Variants in CCDC7 observed in about 807,000 individuals in gnomAD.
CCDC7 encodes coiled-coil domain containing 7, also known as coiled-coil domain-containing protein 7.
CCDC7 carries 183 observed loss-of-function variants against 196.9 expected under a neutral mutation model. The ratio of observed to expected loss-of-function variants is 0.93; its 90% confidence interval spans 0.82 to 1.05. The LOEUF is 1.05. Ranked by LOEUF, CCDC7 falls within the 50% of genes least tolerant of loss-of-function variation. The pLI is 0.00. For synonymous variants in CCDC7, 525 were observed against 484.6 expected (o/e 1.08, Z -1.10); for missense variants, 1,540 against 1,482.2 (o/e 1.04, Z -0.64).
intron 28 of CCDC7, among the ~76,000 whole-genome samples, chr10:32,745,018 T>C (rs2074474089): frequency 6.6e-6 from 1 of 152,234 alleles, no homozygotes. Context: ...TGTATCTAGA[T>C]TTATATTTTA....
intron 31 of CCDC7, among the ~76,000 whole-genome samples, chr10:32,821,213 G>T (rs2090120741): frequency 6.6e-6 from 1 of 152,216 alleles, no homozygotes; most frequent in African/African-American, 2.4e-5. Context: ...ATGAAAAAAT[G>T]CTCACCATCA....
chr10:32,736,848 T>G lies in CCDC7; in HGVS notation c.2905+7391T>G, dbSNP rs377014201. ...AATTTTACTCATTTTATATTTATTT[T>G]ATTCTCTTTTCTTGTCTTACTGCAT... On this transcript the variant is annotated intron_variant, in intron 28 of 41. Coordinates refer to ENST00000639629, the Ensembl canonical transcript of CCDC7. Among the ~76,000 whole-genome samples, 3 of 152,304 alleles carry G rather than the reference T, an allele frequency of 2.0e-5. No individual in the cohort carries two copies. In the East Asian group the frequency reaches 5.8e-4, roughly 29 times the overall value.
chr10:32,839,691 C>A (rs1265903774), intron 33 of CCDC7, among the ~76,000 whole-genome samples: 1 of 151,952 alleles, frequency 6.6e-6, no homozygotes, highest in African/African-American at 2.4e-5. Flanking sequence ...TCAACAACTG[C>A]AGAATATACA....
upstream of CCDC7, chr10:32,451,543 T>C: frequency 1.4e-6 from 2 of 1,452,144 alleles, no homozygotes; most frequent in Non-Finnish European, 1.8e-6. Flanking sequence ...AGTATGTGAA[T>C]TTAATTAGAG....
intron 11 of CCDC7, among the ~76,000 whole-genome samples, chr10:32,531,847 A>G (rs899989102): frequency 5.0e-4 from 76 of 152,118 alleles, no homozygotes; most frequent in African/African-American, 1.8e-3. Context: ...ATTGTTGTTC[A>G]TAGTAGTCTC....
intron 11 of CCDC7, among the ~76,000 whole-genome samples, chr10:32,540,005 G>T (rs2051142085): frequency 6.6e-6 from 1 of 152,094 alleles, no homozygotes; most frequent in Admixed American, 6.5e-5. Context: ...GTGGAGACTT[G>T]TGTAGTGTCT....
intron 30 of CCDC7, among the ~76,000 whole-genome samples, chr10:32,810,634 A>G (rs745975603): frequency 1.3e-5 from 2 of 152,158 alleles, no homozygotes; most frequent in African/African-American, 2.4e-5. Context: ...ACGAAGAAAC[A>G]TTGAGTTTAA....
At chr10:32,681,248 A>G (rs1324949603) in intron 21 of CCDC7, among the ~76,000 whole-genome samples, 1 of 152,092 alleles carries the variant, frequency 6.6e-6, no homozygotes, top group African/African-American at 2.4e-5. Flanking sequence ...TGGTGGGCCA[A>G]TTGACTGGAC....
Position 32,567,655 on chromosome 10 carries a change from C to CT in CCDC7, c.1198-9dup. ...TCAGAAAATGCTTAATAAACTGGTACTTTTTTAAAAACAGGAAGCTGAAAA... is the reference window on the plus strand; with the variant it reads ...TCAGAAAATGCTTAATAAACTGGTACTTTTTTTAAAAACAGGAAGCTGAAAA... On this transcript the variant is annotated splice_polypyrimidine_tract_variant and intron_variant, in intron 14 of 41. Transcript: ENST00000639629. 1 of 1,596,756 alleles carries CT rather than the reference C, an allele frequency of 6.3e-7. No individual in the cohort carries two copies.
chr10:32,767,827 A>T (rs1002813092), intron 28 of CCDC7, among the ~76,000 whole-genome samples: 1 of 152,160 alleles, frequency 6.6e-6, no homozygotes, highest in Admixed American at 6.6e-5. Flanking sequence ...TAGAGAATTT[A>T]AAATAGCTGT....
At chr10:32,828,451 A>AAGAAGAAGGAAGGAAGG (rs2091524351) in intron 32 of CCDC7, among the ~76,000 whole-genome samples, 3 of 85,606 alleles carry the variant, frequency 3.5e-5, no homozygotes, top group Non-Finnish European at 8.1e-5. Context: ...GAAGAAGAAG[A>AAGAAGAAGGAAGGAAGG]AGAAGAAGAA....
chr10:32,557,869 G>C (rs2054621875), intron 13 of CCDC7, among the ~76,000 whole-genome samples: 3 of 152,052 alleles, frequency 2.0e-5, no homozygotes, highest in Non-Finnish European at 4.4e-5. Context: ...TTCAAAATGT[G>C]TTTTATAGAC....
intron 16 of CCDC7, among the ~76,000 whole-genome samples, chr10:32,579,511 A>T (rs1244572088): frequency 1.3e-5 from 2 of 152,212 alleles, no homozygotes; most frequent in Non-Finnish European, 2.9e-5. Flanking sequence ...AACAGTATTA[A>T]TATAGAGTAC....
chr10:32,506,757 C>G (rs941273341), intron 9 of CCDC7, among the ~76,000 whole-genome samples: 1 of 152,044 alleles, frequency 6.6e-6, no homozygotes, highest in Non-Finnish European at 1.5e-5. Flanking sequence ...CGGGCCAAGG[C>G]AGGAGAATCA....
chr10:32,862,534 G>C (rs2094038275), intron 41 of CCDC7, among the ~76,000 whole-genome samples: 1 of 151,528 alleles, frequency 6.6e-6, no homozygotes, highest in Admixed American at 6.6e-5. Context: ...TTCTGCACAT[G>C]TACCCCAGAA....
chr10:32,478,028 CT>C (rs1233290148), intron 8 of CCDC7, among the ~76,000 whole-genome samples: 1 of 152,110 alleles, frequency 6.6e-6, no homozygotes, highest in Non-Finnish European at 1.5e-5. Flanking sequence ...GAGTAATGAA[CT>C]TTTCCTCATA....
chr10:32,866,437 G>T (rs1193847880), intron 41 of CCDC7, among the ~76,000 whole-genome samples: 2 of 151,344 alleles, frequency 1.3e-5, no homozygotes, highest in Non-Finnish European at 3.0e-5. Flanking sequence ...ATAGTTGAGG[G>T]TACTCTGTTT....
At chr10:32,793,809 C>T (rs1036854503) in intron 29 of CCDC7, among the ~76,000 whole-genome samples, 22 of 152,140 alleles carry the variant, frequency 1.4e-4, no homozygotes, top group East Asian at 1.9e-4. Flanking sequence ...TTGAATTTAT[C>T]GAGACTGTTT....
intron 21 of CCDC7, among the ~76,000 whole-genome samples, chr10:32,674,405 T>A (rs1361310818): frequency 6.6e-6 from 1 of 152,128 alleles, no homozygotes. Flanking sequence ...TCCATTTTTC[T>A]TTCATTACTG....
Sources: allele counts gnomAD v4.1 joint callset (sites outside exome capture counted in the v4.1 genomes callset), GRCh38; gene constraint gnomAD v4.1.1; transcripts MANE v1.5; gene names NCBI Gene and HGNC (gene_info 2026-07-23, HGNC 2026-07-21).